Variants in MACROD2 observed in about 807,000 individuals in gnomAD.
The protein encoded by MACROD2 is ADP-ribose glycohydrolase MACROD2.
In MACROD2, 36 loss-of-function variants were observed where a neutral mutation model predicts 70.4. The observed-to-expected ratio is 0.51, with a 90% CI of 0.39 to 0.68. MACROD2 has a LOEUF of 0.68. Ranked by LOEUF, MACROD2 falls within the 30% of genes least tolerant of loss-of-function variation. MACROD2 has a pLI of 0.00. For missense variants in MACROD2, 496 were observed against 538.4 expected (o/e 0.92, Z 0.78); for synonymous variants, 172 against 178.8 (o/e 0.96, Z 0.30).
At chr20:14,923,251 A>G (rs1328666219) in intron 5 of MACROD2, among the ~76,000 whole-genome samples, 1 of 152,086 alleles carries the variant, frequency 6.6e-6, no homozygotes, top group Admixed American at 6.5e-5. Flanking sequence ...CTCCTTACCT[A>G]TCAACAATCA....
chr20:15,091,082 C>T (rs1330470128), intron 5 of MACROD2, among the ~76,000 whole-genome samples: 2 of 152,006 alleles, frequency 1.3e-5, no homozygotes, highest in African/African-American at 4.8e-5. Flanking sequence ...TCAACTTCCT[C>T]CTTGGGTGAG....
chr20:16,049,641 C>T (rs2067431501), intron 17 of MACROD2, among the ~76,000 whole-genome samples, 189 bp from the exon 18 acceptor site: 1 of 152,174 alleles, frequency 6.6e-6, no homozygotes. Flanking sequence ...TTTATATGCT[C>T]TTTAAAGATA....
intron 3 of MACROD2, among the ~76,000 whole-genome samples, chr20:14,348,339 G>A (rs916165931): frequency 2.0e-5 from 3 of 151,672 alleles, no homozygotes; most frequent in African/African-American, 7.3e-5. Flanking sequence ...TTAGAACATG[G>A]AATAAAAATT....
In MACROD2 at chr20:14,414,828, G is replaced by C. The variant is rs950468164; in HGVS notation, c.272-78651G>C. Among the ~76,000 whole-genome samples, 6 of 151,906 alleles carry C rather than the reference G, an allele frequency of 3.9e-5. No homozygotes were observed. In the East Asian group the frequency reaches 7.7e-4, roughly 20 times the overall value. Reference sequence around the variant, plus strand: ...ACCTGGCTTGCACCTCCTGGCCTCTGCTTAGATGTCACTTTATCAGTGAGG... The same window carrying C: ...ACCTGGCTTGCACCTCCTGGCCTCTCCTTAGATGTCACTTTATCAGTGAGG... On this transcript the variant is annotated intron_variant, in intron 3 of 17. Coordinates refer to ENST00000684519, the MANE Select transcript of MACROD2 (RefSeq NM_001351661.2).
At chr20:14,603,595 G>C (rs990571848) in intron 4 of MACROD2, among the ~76,000 whole-genome samples, 4 of 152,114 alleles carry the variant, frequency 2.6e-5, no homozygotes, top group African/African-American at 9.7e-5. Context: ...TAAGAAAAAT[G>C]GGTAATGATT....
At chr20:15,819,731 CAG>C (rs1041890190) in intron 8 of MACROD2, among the ~76,000 whole-genome samples, 5 of 151,672 alleles carry the variant, frequency 3.3e-5, no homozygotes, top group African/African-American at 1.2e-4. Context: ...TTCAGATATT[CAG>C]AGAGAGATAA....
chr20:15,732,125 CT>C (rs2050952900), intron 8 of MACROD2, among the ~76,000 whole-genome samples: 1 of 151,026 alleles, frequency 6.6e-6, no homozygotes, highest in Non-Finnish European at 1.5e-5. Flanking sequence ...TTGCTATTGT[CT>C]GTGTTTGCAC....
At chr20:15,661,499 A>G (rs1400538521) in intron 8 of MACROD2, among the ~76,000 whole-genome samples, 5 of 152,182 alleles carry the variant, frequency 3.3e-5, no homozygotes, top group African/African-American at 1.2e-4. Context: ...ATCTCTCGAG[A>G]GTGAAAAGTC....
intron 7 of MACROD2, among the ~76,000 whole-genome samples, chr20:15,445,554 G>A (rs2046553125): frequency 6.6e-6 from 1 of 152,082 alleles, no homozygotes; most frequent in Non-Finnish European, 1.5e-5. Flanking sequence ...ACCAAATCAT[G>A]TTTCTGTACA....
At chr20:14,497,821 GTTGA>G (rs1378804321) in intron 4 of MACROD2, among the ~76,000 whole-genome samples, 3 of 151,766 alleles carry the variant, frequency 2.0e-5, no homozygotes, top group African/African-American at 7.3e-5. Flanking sequence ...TTATTCCTGA[GTTGA>G]TTCTGTGGCA....
chr20:14,956,455 T>C (rs2074537788), intron 5 of MACROD2, among the ~76,000 whole-genome samples: 1 of 152,176 alleles, frequency 6.6e-6, no homozygotes, highest in African/African-American at 2.4e-5. Context: ...AGTGGAATTT[T>C]TGTTTTCCTT....
chr20:15,621,428 T>C (rs116963357), intron 8 of MACROD2, among the ~76,000 whole-genome samples: 13 of 152,328 alleles, frequency 8.5e-5, no homozygotes, highest in Non-Finnish European at 1.5e-4. Context: ...GACATGCAGA[T>C]TGCAATAATT....
Position 15,181,827 on chromosome 20 carries a change from T to G in MACROD2, c.419-48113T>G, listed in dbSNP as rs2076502750. On this transcript the variant is annotated intron_variant, in intron 5 of 17. Coordinates refer to ENST00000684519, the MANE Select transcript of MACROD2 (RefSeq NM_001351661.2). ...GCTTTTTATTGCTAAATTCAATTCC[T>G]CTTGGAAATGACGGGCCTCTGCATT... 2.0e-5 allele frequency among the ~76,000 whole-genome samples: 3 copies of G among 152,342 alleles called. No individual in the cohort carries two copies. The East Asian group carries it at 5.8e-4, about 29-fold the overall frequency.
chr20:15,402,349 C>G (rs1194550448), intron 6 of MACROD2, among the ~76,000 whole-genome samples: 1 of 152,154 alleles, frequency 6.6e-6, no homozygotes, highest in African/African-American at 2.4e-5. Flanking sequence ...AGCATGCTGA[C>G]TGGCAAGAAT....
chr20:15,456,039 T>C (rs922758262), intron 7 of MACROD2, among the ~76,000 whole-genome samples: 2 of 152,202 alleles, frequency 1.3e-5, no homozygotes, highest in African/African-American at 4.8e-5. Context: ...GAAAGTGGGC[T>C]TTTAACCATT....
rs545158203 is a variant in MACROD2 at position 14,964,294 on chromosome 20, C to T, written c.419-265646C>T. On this transcript the variant is annotated intron_variant, in intron 5 of 17. Transcript: ENST00000684519. ...TATATAAATGAGACTGCACACAGGC[C>T]GGGCGCGGTGGCTCACGCCTGTAAT... Among the ~76,000 whole-genome samples the T allele has an allele frequency of 4.6e-4, 70 of 152,178 alleles. 1 individual carries two copies. In the South Asian group the frequency reaches 0.013, roughly 29 times the overall value.
chr20:14,501,192 T>C (rs1016527347), intron 4 of MACROD2, among the ~76,000 whole-genome samples: 4 of 152,112 alleles, frequency 2.6e-5, no homozygotes, highest in African/African-American at 9.7e-5. Context: ...TTTAAATATA[T>C]TTACTTTAAA....
intron 5 of MACROD2, among the ~76,000 whole-genome samples, chr20:15,209,780 A>T (rs2076745393): frequency 6.6e-6 from 1 of 152,178 alleles, no homozygotes; most frequent in African/African-American, 2.4e-5. Context: ...TGATGAAGAC[A>T]AACAAACCTA....
chr20:15,307,134 A>G (rs1172458840), intron 6 of MACROD2, among the ~76,000 whole-genome samples: 1 of 152,132 alleles, frequency 6.6e-6, no homozygotes, highest in Non-Finnish European at 1.5e-5. Flanking sequence ...ACATTTCAAC[A>G]TGAGATTTGG....
Sources: allele counts gnomAD v4.1 joint callset (sites outside exome capture counted in the v4.1 genomes callset), GRCh38; gene constraint gnomAD v4.1.1; transcripts MANE v1.5; gene names NCBI Gene and HGNC (gene_info 2026-07-23, HGNC 2026-07-21).